Variants in PCLO observed in about 807,000 individuals in gnomAD.
PCLO encodes piccolo presynaptic cytomatrix protein, also known as protein piccolo.
In PCLO, 82 loss-of-function variants were observed where a neutral mutation model predicts 427.5. The observed-to-expected ratio is 0.19, with a 90% CI of 0.16 to 0.23. PCLO has a LOEUF of 0.23. Ranked by LOEUF, PCLO falls within the 10% of genes least tolerant of loss-of-function variation. The probability of loss-of-function intolerance (pLI) is 1.00; values close to 1 mark genes in which losing one functional copy is unlikely to be tolerated. For missense variants in PCLO, 6,239 were observed against 6,115.9 expected (o/e 1.02, Z -0.67); for synonymous variants, 2,357 against 2,155.4 (o/e 1.09, Z -2.59).
intron 1 of PCLO, 145 bp from the exon 2 acceptor site, chr7:83,156,537 T>C: frequency 2.1e-6 from 1 of 475,342 alleles, no homozygotes. Context: ...TAGCATCCTT[T>C]AAGTGATCAT....
At chr7:82,980,071 C>T (rs1796112765) in intron 3 of PCLO, among the ~76,000 whole-genome samples, 1 of 151,936 alleles carries the variant, frequency 6.6e-6, no homozygotes, top group African/African-American at 2.4e-5. Flanking sequence ...AACCCTAGAA[C>T]ATAGTCCATT....
At chr7:82,828,350 G>A (rs2715152) in intron 16 of PCLO, among the ~76,000 whole-genome samples, 53,672 of 151,718 alleles carry the variant, frequency 0.35, 11,648 homozygotes, top group East Asian at 0.69. Flanking sequence ...TTGTACATAC[G>A]GAAAAGCAAA....
At chr7:83,157,428 T>G (rs1300637774) in intron 1 of PCLO, among the ~76,000 whole-genome samples, 1 of 152,108 alleles carries the variant, frequency 6.6e-6, no homozygotes, top group African/African-American at 2.4e-5. Context: ...GATTGATTAT[T>G]AGTAATCTAA....
intron 6 of PCLO, among the ~76,000 whole-genome samples, chr7:82,929,940 A>C (rs1048109587): frequency 4.6e-5 from 7 of 152,178 alleles, no homozygotes; most frequent in African/African-American, 1.4e-4. Flanking sequence ...GGCCATTATG[A>C]CACAAAGATG....
chr7:83,015,672 T>C (rs1254797447), intron 3 of PCLO, among the ~76,000 whole-genome samples: 1 of 152,134 alleles, frequency 6.6e-6, no homozygotes, highest in Non-Finnish European at 1.5e-5. Flanking sequence ...ATGTAACATG[T>C]ATTATCCTTA....
chr7:82,931,045 C>A (rs1032783026), intron 6 of PCLO, among the ~76,000 whole-genome samples: 9 of 152,084 alleles, frequency 5.9e-5, no homozygotes, highest in African/African-American at 2.2e-4. Context: ...AAGACTGATG[C>A]ACTTTTGAAA....
intron 18 of PCLO, among the ~76,000 whole-genome samples, chr7:82,824,791 A>G (rs1045132056): frequency 2.6e-5 from 4 of 151,704 alleles, no homozygotes; most frequent in Non-Finnish European, 5.9e-5. Flanking sequence ...AAAATACAAA[A>G]AAAAAAAATT....
At chr7:82,977,531 G>C (rs1435433723) in intron 3 of PCLO, among the ~76,000 whole-genome samples, 2 of 151,778 alleles carry the variant, frequency 1.3e-5, no homozygotes, top group South Asian at 4.2e-4. Context: ...TCCTGCCTCA[G>C]CCTCCCGAGT....
chr7:82,822,051 C>T, intron 20 of PCLO: 1 of 992,822 alleles, frequency 1.0e-6, no homozygotes, highest in Non-Finnish European at 1.2e-6. Context: ...TTTTCAGATA[C>T]AAGAATCTAA....
intron 3 of PCLO, among the ~76,000 whole-genome samples, chr7:83,119,152 T>G (rs1325997977): frequency 6.6e-6 from 1 of 152,086 alleles, no homozygotes; most frequent in African/African-American, 2.4e-5. Context: ...AAGGAGCTCC[T>G]AAGCCTTGAA....
intron 22 of PCLO, among the ~76,000 whole-genome samples, chr7:82,798,293 T>C (rs1003479559): frequency 6.6e-5 from 10 of 152,158 alleles, no homozygotes; most frequent in Non-Finnish European, 1.3e-4. Context: ...GTCACAGTTT[T>C]TCTGATGTCC....
intron 3 of PCLO, among the ~76,000 whole-genome samples, chr7:83,045,999 T>C (rs1453134459): frequency 2.6e-5 from 4 of 152,076 alleles, no homozygotes; most frequent in African/African-American, 9.7e-5. Context: ...CAGGTTTGAT[T>C]TTATCTGAGG....
At chr7:83,104,165 T>C (rs532354779) in intron 3 of PCLO, among the ~76,000 whole-genome samples, 83 of 119,928 alleles carry the variant, frequency 6.9e-4, no homozygotes, top group Admixed American at 3.1e-3. Context: ...TAAGAGAGTG[T>C]TTTAGAAAAA....
chr7:82,893,212 G>T (rs912335501), intron 9 of PCLO, among the ~76,000 whole-genome samples: 2 of 152,046 alleles, frequency 1.3e-5, no homozygotes, highest in Admixed American at 6.6e-5. Flanking sequence ...AGAAAATGTG[G>T]CACATATACA....
At chr7:83,008,927 G>C (rs1788011973) in intron 3 of PCLO, among the ~76,000 whole-genome samples, 1 of 150,898 alleles carries the variant, frequency 6.6e-6, no homozygotes, top group Admixed American at 6.6e-5. Flanking sequence ...TAAAGCGATG[G>C]AAAAAAGATA....
chr7:83,015,108 A>G (rs1252906180), intron 3 of PCLO, among the ~76,000 whole-genome samples: 10 of 152,146 alleles, frequency 6.6e-5, no homozygotes, highest in Admixed American at 6.6e-4. Context: ...GTAGACACTG[A>G]GATAAGATTC....
At chr7:83,038,706 T>G (rs535840929) in intron 3 of PCLO, among the ~76,000 whole-genome samples, 3 of 152,132 alleles carry the variant, frequency 2.0e-5, no homozygotes. Flanking sequence ...GCAAGATTTG[T>G]GTGAACATGT....
intron 2 of PCLO, among the ~76,000 whole-genome samples, chr7:83,137,980 T>C (rs546828421): frequency 8.5e-5 from 13 of 152,280 alleles, no homozygotes; most frequent in African/African-American, 3.1e-4. Context: ...TCTATAAATA[T>C]GCATCTACCC....
chr7:83,019,838 A>G (rs1788298514), intron 3 of PCLO, among the ~76,000 whole-genome samples: 1 of 152,100 alleles, frequency 6.6e-6, no homozygotes, highest in African/African-American at 2.4e-5. Flanking sequence ...CAAAGACTGA[A>G]GCAGCGGCAA....
Sources: gnomAD v4.1 joint callset for allele counts (sites outside exome capture counted in the v4.1 genomes callset) on GRCh38, gnomAD v4.1.1 for gene constraint, MANE v1.5 for transcripts, NCBI Gene and HGNC (gene_info 2026-07-23, HGNC 2026-07-21) for gene names.